The following CLEC16A variants were observed in gnomAD, a reference collection of about 807,000 sequenced individuals.
CLEC16A encodes C-type lectin domain containing 16A, also known as protein CLEC16A.
In CLEC16A, 51 loss-of-function variants were observed where a neutral mutation model predicts 109.5. The observed-to-expected ratio is 0.47, with a 90% CI of 0.37 to 0.59. CLEC16A has a LOEUF of 0.59. Ranked by LOEUF, CLEC16A falls within the 20% of genes least tolerant of loss-of-function variation. The pLI, the probability that CLEC16A is intolerant of heterozygous loss-of-function variation, is 0.00. For synonymous variants in CLEC16A, 673 were observed against 564.2 expected, an observed-to-expected ratio of 1.19 and a Z score of -2.73; for missense variants, 1,339 against 1,394.0, an observed-to-expected ratio of 0.96 and a Z score of 0.63.
rs1205050786 is a variant in CLEC16A, at chr16:11,181,847, C to T, written c.*3157C>T. On this transcript the variant is annotated 3_prime_UTR_variant, in exon 24 of 24. Coordinates refer to ENST00000409790, the MANE Select transcript of CLEC16A (RefSeq NM_015226.3). ...ATTCCTCTAAGGTCTCTGAGATGCA[C>T]CGTTTTTTAAAAAGGCGTGGGGTGA... 6.6e-6 allele frequency: 1 copy of T among 152,652 alleles called. No individual in the cohort carries two copies. Among genetic ancestry groups the T allele is most frequent in the African/African-American group, 2.4e-5 (1 of 41,460 alleles). 9.5% of individuals were successfully genotyped at this position (152,652 alleles called of 1,614,324 possible).
intron 15 of CLEC16A, 107 bp downstream of exon 15, chr16:11,042,470 G>A (rs950671625): frequency 6.3e-6 from 5 of 797,232 alleles, no homozygotes; most frequent in African/African-American, 3.4e-5. Flanking sequence ...TGGTGTCATC[G>A]GTCACCAGCT....
intron 23 of CLEC16A, among the ~76,000 whole-genome samples, chr16:11,173,743 G>A (rs899646225): frequency 1.3e-5 from 2 of 152,086 alleles, no homozygotes; most frequent in African/African-American, 4.8e-5. Context: ...GAGGATGCCG[G>A]GTTTTCGTGT....
At chr16:10,951,603 A>C (rs4780341) in intron 1 of CLEC16A, among the ~76,000 whole-genome samples, 5,241 of 152,290 alleles carry the variant, frequency 0.034, 560 homozygotes, top group Admixed American at 0.19. Context: ...CATCATCCCC[A>C]AAGGGTCGAT....
At chr16:11,006,550 A>G (rs2045027336) in intron 11 of CLEC16A, among the ~76,000 whole-genome samples, 2 of 152,138 alleles carry the variant, frequency 1.3e-5, no homozygotes, top group Non-Finnish European at 1.5e-5. Context: ...AAGGAAAGAG[A>G]TGCTGACACT....
At chr16:10,996,486 T>C (rs542117928) in intron 10 of CLEC16A, among the ~76,000 whole-genome samples, 6 of 152,358 alleles carry the variant, frequency 3.9e-5, no homozygotes, top group African/African-American at 1.4e-4. Flanking sequence ...TCCTGGGCTC[T>C]GAGCTGGCTT....
chr16:11,091,443 G>C, intron 19 of CLEC16A, among the ~76,000 whole-genome samples: 1 of 152,222 alleles, frequency 6.6e-6, no homozygotes. Context: ...TCACCTCGTA[G>C]GGCGGGTGGG....
At chr16:10,958,144 T>A (rs1316779844) in intron 2 of CLEC16A, among the ~76,000 whole-genome samples, 2 of 151,482 alleles carry the variant, frequency 1.3e-5, no homozygotes, top group Non-Finnish European at 2.9e-5. Context: ...AACCTGAAAA[T>A]GTCATGGGTA....
chr16:10,971,348 C>T lies in CLEC16A; in HGVS notation c.598+118C>T, dbSNP rs559003745. 2.2e-4 allele frequency: 178 copies of T among 825,350 alleles called. No individual in the cohort carries two copies. In the African/African-American group the frequency reaches 2.8e-3, roughly 13 times the overall value. 51.1% of individuals were successfully genotyped at this position (825,350 alleles called of 1,614,324 possible). On this transcript the variant is annotated intron_variant, in intron 5 of 23. Coordinates refer to ENST00000409790, the MANE Select transcript of CLEC16A (RefSeq NM_015226.3). Reference sequence around the variant, plus strand: ...ACGAGGGAGCACATTGATGATGAGCCGTGGCAGCTTCTCTCATGAAAAACT... The same window carrying T: ...ACGAGGGAGCACATTGATGATGAGCTGTGGCAGCTTCTCTCATGAAAAACT...
At chr16:11,139,890 C>G (rs947662590) in intron 22 of CLEC16A, among the ~76,000 whole-genome samples, 1 of 152,212 alleles carries the variant, frequency 6.6e-6, no homozygotes, top group African/African-American at 2.4e-5. Flanking sequence ...TGAATGCCAA[C>G]TATGTGCTAG....
chr16:11,153,221 C>A (rs2054365229), intron 22 of CLEC16A, among the ~76,000 whole-genome samples: 1 of 152,176 alleles, frequency 6.6e-6, no homozygotes, highest in Admixed American at 6.5e-5. Flanking sequence ...CCTTCCCCAA[C>A]TGTGCAATTG....
rs201761470 is a variant in CLEC16A, at chr16:11,178,543, A to G, written c.3015A>G (p.Glu1005=). The G allele has an allele frequency of 3.1e-6, 5 of 1,612,834 alleles. No individual in the cohort carries two copies. The Admixed American group carries it at 5.0e-5, about 16-fold the overall frequency. The part of the protein sequence containing the change: ...CEDTADTLSV[E]SLTLVPPVDP... ...ACACGGCTGACACGCTGAGCGTCGA[A>G]TCGCTGACCCTTGTCCCCCCAGTTG... Residue 1005 remains glutamate (E), a synonymous_variant, in exon 24 of 24, where the codon GAA becomes GAG. Transcript: ENST00000409790. The surrounding 1 kb of genome is among the most constrained non-coding windows in gnomAD (Gnocchi z 6.5).
chr16:11,167,815 T>C (rs986922563), intron 23 of CLEC16A, among the ~76,000 whole-genome samples: 4 of 152,148 alleles, frequency 2.6e-5, no homozygotes, highest in African/African-American at 7.2e-5. Flanking sequence ...TGGCTGCACA[T>C]CCAAGCAGAT....
chr16:11,129,658 C>T (rs927654766), intron 22 of CLEC16A, among the ~76,000 whole-genome samples: 6 of 152,236 alleles, frequency 3.9e-5, no homozygotes, highest in African/African-American at 1.2e-4. Flanking sequence ...TAGCTGCCTC[C>T]CGCTAACGGC....
At chr16:11,026,645 GTT>G (rs35679277) in intron 13 of CLEC16A, among the ~76,000 whole-genome samples, 8,966 of 106,486 alleles carry the variant, frequency 0.084, 291 homozygotes, top group African/African-American at 0.15. Flanking sequence ...TTTGTTTGGG[GTT>G]TTTTTTTTTT....
rs537909313 is a variant in CLEC16A at position 11,166,073 on chromosome 16, C to T, written c.2642-315C>T. Among the ~76,000 whole-genome samples, 114 of 152,350 alleles carry T rather than the reference C, an allele frequency of 7.5e-4. 2 individuals are homozygous for T. In the South Asian group the frequency reaches 0.019, roughly 25 times the overall value. On this transcript the variant is annotated intron_variant, in intron 22 of 23. Transcript: ENST00000409790. ...TGGGTGAACTTGCCACGAGGCTGCACGTCCCTCTTCAAGGGCACAGCTGGC... is the reference window on the plus strand; with the variant it reads ...TGGGTGAACTTGCCACGAGGCTGCATGTCCCTCTTCAAGGGCACAGCTGGC...
At chr16:10,972,886 C>G (rs2042860545) in intron 6 of CLEC16A, 52 bp from the exon 7 acceptor site, 1 of 1,512,914 alleles carries the variant, frequency 6.6e-7, no homozygotes, top group African/African-American at 1.4e-5. Context: ...TTAATCTTCC[C>G]CAAGTTATTT....
intron 19 of CLEC16A, among the ~76,000 whole-genome samples, chr16:11,099,624 C>G (rs1382931706): frequency 2.0e-5 from 3 of 152,172 alleles, no homozygotes; most frequent in Non-Finnish European, 4.4e-5. Flanking sequence ...TGGAGTCTTT[C>G]AGGATCCCAG....
intron 22 of CLEC16A, among the ~76,000 whole-genome samples, chr16:11,131,207 C>G (rs2241099): frequency 0.23 from 34,794 of 152,108 alleles, 4,151 homozygotes; most frequent in South Asian, 0.27. Flanking sequence ...CCTGAGCACT[C>G]TGTGGCTTTG....
intron 22 of CLEC16A, among the ~76,000 whole-genome samples, chr16:11,128,012 T>C (rs1027547679): frequency 6.6e-6 from 1 of 152,226 alleles, no homozygotes; most frequent in Non-Finnish European, 1.5e-5. Context: ...TGCTTCGTGT[T>C]CTGTGGCTAT....
Sources: allele counts gnomAD v4.1 joint callset (sites outside exome capture counted in the v4.1 genomes callset), GRCh38; gene constraint gnomAD v4.1.1; non-coding constraint Gnocchi (gnomAD v3.1); transcripts MANE v1.5; gene names NCBI Gene and HGNC (gene_info 2026-07-23, HGNC 2026-07-21).